The following EPM2A variants were observed in gnomAD, a reference collection of about 807,000 sequenced individuals.
EPM2A encodes the protein EPM2A glucan phosphatase, laforin, also known as laforin.
A neutral mutation model predicts 26.5 loss-of-function variants in EPM2A; 21 were observed. The observed-to-expected ratio is 0.79, with a 90% CI of 0.56 to 1.14. The LOEUF (loss-of-function observed/expected upper bound fraction) is 1.14, where lower values mean the gene tolerates loss of function less well. EPM2A is among the 50% of genes most tolerant of loss of function. The pLI, the probability that EPM2A is intolerant of heterozygous loss-of-function variation, is 0.00. For missense variants in EPM2A, 458 were observed against 440.8 expected (o/e 1.04, Z -0.35); for synonymous variants, 217 against 177.6 (o/e 1.22, Z -1.76).
intron 1 of EPM2A, among the ~76,000 whole-genome samples, chr6:145,686,676 T>C (rs891416442): frequency 3.7e-4 from 57 of 152,178 alleles, no homozygotes; most frequent in African/African-American, 1.3e-3. Context: ...CTTTCTGGTA[T>C]GCAAATTTAC....
At chr6:145,734,089 ACTT>A (rs1767069171) in intron 1 of EPM2A, among the ~76,000 whole-genome samples, 1 of 152,190 alleles carries the variant, frequency 6.6e-6, no homozygotes, top group African/African-American at 2.4e-5. Flanking sequence ...TAATAATTTC[ACTT>A]CTTTGAATCC....
intron 4 of EPM2A, among the ~76,000 whole-genome samples, chr6:145,458,541 C>G (rs773717125): frequency 1.3e-5 from 2 of 152,106 alleles, no homozygotes; most frequent in African/African-American, 4.8e-5. Context: ...CTATAAATCA[C>G]GATGGCAGTT....
chr6:145,462,702 C>T (rs1023893743), intron 4 of EPM2A, among the ~76,000 whole-genome samples: 1 of 152,160 alleles, frequency 6.6e-6, no homozygotes, highest in Non-Finnish European at 1.5e-5. Flanking sequence ...CAGTCTTCCT[C>T]TTACTTGCCA....
At chr6:145,635,640 T>C (rs904260926) in intron 2 of EPM2A, 154 bp from the exon 3 acceptor site, 2 of 728,590 alleles carry the variant, frequency 2.7e-6, no homozygotes. Flanking sequence ...AATGTTATTA[T>C]TGAAAGAAAA....
chr6:145,397,009 G>T (rs1327045464), intron 4 of EPM2A, among the ~76,000 whole-genome samples: 1 of 152,176 alleles, frequency 6.6e-6, no homozygotes, highest in Non-Finnish European at 1.5e-5. Context: ...TGAGCAGACT[G>T]ATGAAATCAT....
intron 2 of EPM2A, among the ~76,000 whole-genome samples, chr6:145,645,848 C>G (rs1777422159): frequency 6.6e-6 from 1 of 152,118 alleles, no homozygotes; most frequent in African/African-American, 2.4e-5. Context: ...CCCGCCTCGG[C>G]CTCTCAAAGT....
At chr6:145,684,895 A>C (rs1335136117) in intron 2 of EPM2A, 1 of 152,138 alleles carries the variant, frequency 6.6e-6, no homozygotes, top group Non-Finnish European at 1.5e-5. Flanking sequence ...GCCAACATCT[A>C]CCAGAAGTTT....
Position 145,683,797 on chromosome 6 carries a change from G to A in EPM2A, c.476+2325C>T, listed in dbSNP as rs549932058. Among the ~76,000 whole-genome samples the A allele has an allele frequency of 1.4e-3, 207 of 152,242 alleles. 1 individual carries two copies. The highest frequency in any genetic ancestry group is 4.8e-3 in the African/African-American group (200 of 41,540). ...AGAAAGATAGGATCTGCCCACCTGAGCACAGCTTGCCCCCAACACCTCTCA... is the reference window on the plus strand; with the variant it reads ...AGAAAGATAGGATCTGCCCACCTGAACACAGCTTGCCCCCAACACCTCTCA... On this transcript the variant is annotated intron_variant, in intron 2 of 3. Transcript: ENST00000367519.
intron 2 of EPM2A, among the ~76,000 whole-genome samples, chr6:145,545,277 G>C (rs937382557): frequency 2.0e-5 from 3 of 152,138 alleles, no homozygotes; most frequent in Non-Finnish European, 4.4e-5. Context: ...CAGGTCTGCT[G>C]TATGTTTCAT....
At chr6:145,471,081 T>C (rs916935738) in intron 4 of EPM2A, among the ~76,000 whole-genome samples, 2 of 152,104 alleles carry the variant, frequency 1.3e-5, no homozygotes, top group African/African-American at 2.4e-5. Context: ...AGAGTCTTGT[T>C]TGGTATCAAA....
intron 2 of EPM2A, among the ~76,000 whole-genome samples, chr6:145,554,533 C>T (rs532397461): frequency 2.0e-5 from 3 of 152,126 alleles, no homozygotes; most frequent in South Asian, 2.1e-4. Context: ...TGTTCTGTTG[C>T]TACAACAGAA....
intron 4 of EPM2A, among the ~76,000 whole-genome samples, chr6:145,398,984 C>A (rs567595251): frequency 3.9e-5 from 6 of 152,100 alleles, no homozygotes; most frequent in Non-Finnish European, 7.4e-5. Context: ...TATTACCACC[C>A]CCTTTTTAAT....
intron 1 of EPM2A, among the ~76,000 whole-genome samples, chr6:145,708,923 C>T (rs550039020): frequency 4.0e-4 from 61 of 152,202 alleles, no homozygotes; most frequent in Admixed American, 9.2e-4. Flanking sequence ...ATTAGTGTGA[C>T]CTGGATGTGA....
chr6:145,546,098 A>G (rs1426781323), intron 2 of EPM2A, among the ~76,000 whole-genome samples: 2 of 152,178 alleles, frequency 1.3e-5, no homozygotes, highest in Non-Finnish European at 2.9e-5. Context: ...GGAGGCTGGA[A>G]GTCTCACTAT....
chr6:145,507,388 C>G (rs927325416), intron 2 of EPM2A, among the ~76,000 whole-genome samples: 1 of 152,154 alleles, frequency 6.6e-6, no homozygotes, highest in Non-Finnish European at 1.5e-5. Context: ...GCAGCCCTTG[C>G]GACAGCATTC....
chr6:145,712,256 G>T (rs1296335650), intron 1 of EPM2A, among the ~76,000 whole-genome samples: 1 of 152,056 alleles, frequency 6.6e-6, no homozygotes, highest in East Asian at 1.9e-4. Flanking sequence ...CTTCTTGATA[G>T]GAAGAGGACC....
chr6:145,694,533 C>G (rs1227934242), intron 1 of EPM2A, among the ~76,000 whole-genome samples: 1 of 151,844 alleles, frequency 6.6e-6, no homozygotes, highest in Non-Finnish European at 1.5e-5. Flanking sequence ...CTAAACTGTC[C>G]TTGCTAATGA....
chr6:145,602,519 T>C (rs1272575020), intron 2 of EPM2A, among the ~76,000 whole-genome samples: 2 of 152,214 alleles, frequency 1.3e-5, no homozygotes, highest in Non-Finnish European at 2.9e-5. Flanking sequence ...ATATTCATAT[T>C]GTATGGCCTC....
intron 4 of EPM2A, chr6:145,492,000 G>T: frequency 2.4e-6 from 1 of 413,828 alleles, no homozygotes; most frequent in Non-Finnish European, 4.7e-6. Context: ...CAGTAAACCA[G>T]TCCCGATCTT....
Sources: allele counts gnomAD v4.1 joint callset (sites outside exome capture counted in the v4.1 genomes callset), GRCh38; gene constraint gnomAD v4.1.1; transcripts MANE v1.5; gene names NCBI Gene and HGNC (gene_info 2026-07-23, HGNC 2026-07-21).